SRGAP2C: variants seen among roughly 807,000 people sequenced by gnomAD.
SRGAP2C encodes SLIT-ROBO Rho GTPase-activating protein 2C.
A neutral mutation model predicts 25.1 loss-of-function variants in SRGAP2C; 15 were observed. The ratio of observed to expected loss-of-function variants is 0.60; its 90% confidence interval spans 0.40 to 0.92. The LOEUF (loss-of-function observed/expected upper bound fraction) is 0.92. Ranked by LOEUF, SRGAP2C falls within the 40% of genes least tolerant of loss-of-function variation. The pLI is 0.00. For missense variants in SRGAP2C, 144 were observed against 264.4 expected, an observed-to-expected ratio of 0.54 and a Z score of 3.16; for synonymous variants, 44 against 96.6, an observed-to-expected ratio of 0.46 and a Z score of 3.19.
At chr1:121,322,250 C>T (rs1183528247) in intron 3 of SRGAP2C, among the ~76,000 whole-genome samples, 2 of 142,872 alleles carry the variant, frequency 1.4e-5, no homozygotes, top group Non-Finnish European at 3.0e-5. Context: ...GGGTATCTTG[C>T]CGAGAGACAC....
chr1:121,210,635 GA>G (rs1257858617), intron 2 of SRGAP2C, among the ~76,000 whole-genome samples: 1 of 106,116 alleles, frequency 9.4e-6, no homozygotes, highest in African/African-American at 3.9e-5. Context: ...AATTCCAGGA[GA>G]GTTTAAAGAA....
intron 4 of SRGAP2C, among the ~76,000 whole-genome samples, chr1:121,363,954 C>T (rs1395582913): frequency 2.0e-5 from 3 of 151,786 alleles, no homozygotes; most frequent in African/African-American, 4.8e-5. Context: ...AATAAATATA[C>T]ATTACTTTTG....
intron 2 of SRGAP2C, among the ~76,000 whole-genome samples, chr1:121,263,450 A>T (rs1656682430): frequency 6.7e-6 from 1 of 150,070 alleles, no homozygotes; most frequent in Admixed American, 6.7e-5. Context: ...AAAAAAAAAA[A>T]CTTCAGTGCT....
At chr1:121,381,341 TC>T (rs1659809225) in intron 7 of SRGAP2C, among the ~76,000 whole-genome samples, 1 of 115,334 alleles carries the variant, frequency 8.7e-6, no homozygotes, top group East Asian at 3.0e-4. Context: ...TGCCTTTTCT[TC>T]CCCAATAGTA....
intron 2 of SRGAP2C, among the ~76,000 whole-genome samples, chr1:121,206,197 C>T (rs192498367): frequency 2.8e-4 from 43 of 152,026 alleles, no homozygotes; most frequent in Non-Finnish European, 4.6e-4. Flanking sequence ...CTCACCCCCA[C>T]CCCCATGCTC....
intron 3 of SRGAP2C, among the ~76,000 whole-genome samples, chr1:121,286,538 G>T (rs1158448396): frequency 2.6e-5 from 4 of 151,204 alleles, no homozygotes; most frequent in African/African-American, 9.7e-5. Context: ...AATTACAGGT[G>T]TGAGCCACCA....
At chr1:121,369,554 C>T (rs868954764) in intron 5 of SRGAP2C, among the ~76,000 whole-genome samples, 8 of 151,992 alleles carry the variant, frequency 5.3e-5, no homozygotes, top group South Asian at 4.2e-4. Flanking sequence ...GGCAGAGCTA[C>T]TTCAGACTGG....
At chr1:121,374,511 T>G (rs1553352443) in intron 6 of SRGAP2C, among the ~76,000 whole-genome samples, 1 of 152,118 alleles carries the variant, frequency 6.6e-6, no homozygotes, top group East Asian at 1.9e-4. Context: ...GGATTTGGTT[T>G]CAGGTATCAG....
At chr1:121,188,389 C>T (rs1440378667) in intron 2 of SRGAP2C, among the ~76,000 whole-genome samples, 3 of 151,664 alleles carry the variant, frequency 2.0e-5, no homozygotes, top group African/African-American at 4.9e-5. Flanking sequence ...ACTCAGATAG[C>T]GTTTTTTAAA....
chr1:121,359,635 G>A (rs1185186474), intron 4 of SRGAP2C, among the ~76,000 whole-genome samples: 2 of 152,270 alleles, frequency 1.3e-5, no homozygotes, highest in African/African-American at 4.8e-5. Flanking sequence ...CAGCGTGTTG[G>A]TACACATCTG....
At chr1:121,258,588 C>T (rs1184922939) in intron 2 of SRGAP2C, among the ~76,000 whole-genome samples, 1 of 151,284 alleles carries the variant, frequency 6.6e-6, no homozygotes, top group East Asian at 1.9e-4. Flanking sequence ...GCATCAGCCT[C>T]CTGAGTAGCT....
At chr1:121,207,612 C>T (rs1239827424) in intron 2 of SRGAP2C, among the ~76,000 whole-genome samples, 72 of 152,172 alleles carry the variant, frequency 4.7e-4, no homozygotes, top group South Asian at 2.5e-3. Flanking sequence ...GGGGAGATGG[C>T]GCTTTGATAG....
intron 4 of SRGAP2C, chr1:121,362,762 C>T (rs1659231184): frequency 6.9e-6 from 1 of 145,676 alleles, no homozygotes; most frequent in Non-Finnish European, 1.5e-5. Context: ...CTCCTTGGGC[C>T]TCTGTTGCTT....
At chr1:121,259,843 C>CTTTTT (rs782529398) in intron 2 of SRGAP2C, among the ~76,000 whole-genome samples, 8 of 107,736 alleles carry the variant, frequency 7.4e-5, no homozygotes, top group Non-Finnish European at 1.5e-4. Flanking sequence ...TCTTCTTCTA[C>CTTTTT]TTTTTTTTTT....
intron 2 of SRGAP2C, among the ~76,000 whole-genome samples, chr1:121,257,336 G>A (rs1238229188): frequency 6.7e-6 from 1 of 150,090 alleles, no homozygotes; most frequent in Non-Finnish European, 1.5e-5. Flanking sequence ...GGATGGTCTC[G>A]ATCTCTTGAC....
In SRGAP2C at chr1:121,392,266, C is replaced by T. The variant is rs1660115528; in HGVS notation, c.*4411C>T. The T allele has an allele frequency of 6.6e-6, 1 of 152,148 alleles. No homozygotes were observed. Among genetic ancestry groups the T allele is most frequent in the South Asian group, 2.1e-4 (1 of 4,830 alleles). The allele number at this position is 152,148 out of a possible 1,614,324, so 9.4% of individuals were successfully genotyped here. A position where few individuals can be genotyped will look rare whatever the true frequency, so the allele number is the denominator to read the frequency against. ...GTTGTTAAAAAGTTTACCATTCTTT[C>T]TTTTCACCTTTCTTCCTTCTTCCTT... is the stretch of plus-strand genomic sequence containing the variant. On this transcript the variant is annotated 3_prime_UTR_variant, in exon 10 of 10. Coordinates refer to ENST00000367123, the MANE Select transcript of SRGAP2C (RefSeq NM_001329984.2).
chr1:121,290,988 A>AAGTTC (rs2101575142), intron 3 of SRGAP2C, among the ~76,000 whole-genome samples: 1 of 118,534 alleles, frequency 8.4e-6, no homozygotes, highest in South Asian at 2.9e-4. Flanking sequence ...GCAAGCAGAG[A>AAGTTC]AGTTCAGATT....
chr1:121,202,002 C>A (rs1268768608), intron 2 of SRGAP2C, among the ~76,000 whole-genome samples: 10 of 152,138 alleles, frequency 6.6e-5, no homozygotes, highest in Admixed American at 1.3e-4. Flanking sequence ...TGCCCTCGGA[C>A]AATTCTTCAG....
chr1:121,295,643 A>G (rs1657579839), intron 3 of SRGAP2C, among the ~76,000 whole-genome samples: 1 of 152,076 alleles, frequency 6.6e-6, no homozygotes, highest in Non-Finnish European at 1.5e-5. Context: ...TGGAAGCCAT[A>G]AAAGAAAGAG....
Sources: allele counts gnomAD v4.1 joint callset (sites outside exome capture counted in the v4.1 genomes callset), GRCh38; gene constraint gnomAD v4.1.1; transcripts MANE v1.5; gene names NCBI Gene and HGNC (gene_info 2026-07-23, HGNC 2026-07-21).